FGD5: variants seen among roughly 807,000 people sequenced by gnomAD.
The protein encoded by FGD5 is FYVE, RhoGEF and PH domain containing 5, also known as FYVE, RhoGEF and PH domain-containing protein 5.
FGD5 carries 28 observed loss-of-function variants against 133.4 expected under a neutral mutation model. The ratio of observed to expected loss-of-function variants is 0.21; its 90% CI spans 0.16 to 0.29. FGD5 has a LOEUF of 0.29. FGD5 is among the 10% of genes least tolerant of loss of function. The pLI is 1.00. For missense variants in FGD5, 1,858 were observed against 1,895.2 expected, an observed-to-expected ratio of 0.98 and a Z score of 0.36; for synonymous variants, 810 against 776.5, an observed-to-expected ratio of 1.04 and a Z score of -0.72.
chr3:14,917,378 C>A lies in FGD5; in HGVS notation c.3489+46C>A, dbSNP rs192298702. The A allele has an allele frequency of 5.8e-6, 9 of 1,557,284 alleles. No individual in the cohort carries two copies. In the East Asian group the frequency reaches 1.6e-4, roughly 28 times the overall value. ...ACCCCCGGGTTGGGGGACAGGGAGA[C>A]CCCAGGGGAGAAGGGGACAGCATCC... is the stretch of plus-strand genomic sequence containing the variant. On this transcript the variant is annotated intron_variant, in intron 12 of 19. Coordinates refer to ENST00000285046, the MANE Select transcript of FGD5 (RefSeq NM_152536.4). This position sits in a 1 kb window ranked among gnomAD's most constrained non-coding sequence, Gnocchi z 4.1.
rs751172332 is a variant in FGD5, at chr3:14,926,116, G to T, written c.4115G>T (p.Arg1372Leu). Residue 1372 changes from arginine to leucine, a missense_variant, in exon 18 of 20, where the codon CGG becomes CTG. Arg to Leu is a moderately radical substitution (Grantham distance 102, BLOSUM62 -2). Coordinates refer to ENST00000285046, the MANE Select transcript of FGD5 (RefSeq NM_152536.4). ...TCTGCCATCAGTGGCTATCTCAGCC[G>T]GTGTAAGAGGGGCAAGCGGCACTGG... ...EGSAISGYLS[R>L]CKRGKRHWKK... The T allele has an allele frequency of 1.2e-6, 2 of 1,613,924 alleles. No individual in the cohort carries two copies. Among genetic ancestry groups the T allele is most frequent in the Non-Finnish European group, 1.7e-6 (2 of 1,179,842 alleles).
At chr3:14,883,131 G>A (rs2037858887) in intron 4 of FGD5, among the ~76,000 whole-genome samples, 2 of 152,084 alleles carry the variant, frequency 1.3e-5, no homozygotes, top group Non-Finnish European at 1.5e-5. Flanking sequence ...TAACTCAGTG[G>A]CTGCCATGAA....
intron 1 of FGD5, among the ~76,000 whole-genome samples, chr3:14,856,164 CA>C (rs2125098579): frequency 6.6e-6 from 1 of 152,194 alleles, no homozygotes; most frequent in Admixed American, 6.5e-5. Flanking sequence ...GCACTTTTGT[CA>C]AAACATTAGT....
At chr3:14,855,994 A>G (rs1336884352) in intron 1 of FGD5, among the ~76,000 whole-genome samples, 2 of 152,052 alleles carry the variant, frequency 1.3e-5, no homozygotes, top group Non-Finnish European at 2.9e-5. Context: ...TTCTTCTACT[A>G]GTTTTATAGT....
At chr3:14,889,517 A>G (rs1298617735) in intron 4 of FGD5, among the ~76,000 whole-genome samples, 1 of 152,226 alleles carries the variant, frequency 6.6e-6, no homozygotes, top group Non-Finnish European at 1.5e-5. Flanking sequence ...TGCTGTGAAC[A>G]TCACCATAAA....
chr3:14,868,406 G>C (rs951589984), intron 2 of FGD5, among the ~76,000 whole-genome samples: 12 of 152,216 alleles, frequency 7.9e-5, no homozygotes, highest in African/African-American at 2.9e-4. Flanking sequence ...CCAGAGCTCT[G>C]CTCTTGCCGG....
intron 1 of FGD5, among the ~76,000 whole-genome samples, chr3:14,830,679 T>C (rs893674103): frequency 1.3e-4 from 20 of 152,232 alleles, no homozygotes; most frequent in Admixed American, 6.5e-5. Flanking sequence ...GTGAAGTCTT[T>C]GTTCCAGCTT....
At chr3:14,861,601 C>T (rs1324360047) in intron 1 of FGD5, among the ~76,000 whole-genome samples, 2 of 152,226 alleles carry the variant, frequency 1.3e-5, no homozygotes, top group African/African-American at 4.8e-5. Context: ...GAGCTATCTC[C>T]TTCCCCTTTC....
intron 4 of FGD5, among the ~76,000 whole-genome samples, chr3:14,890,925 T>C (rs2038014054): frequency 6.6e-6 from 1 of 152,202 alleles, no homozygotes; most frequent in Non-Finnish European, 1.5e-5. Context: ...GTGGTACTGT[T>C]ATCCCCATTT....
At chr3:14,932,898 AGACTGTTTT>A (rs1308869003) in intron 19 of FGD5, among the ~76,000 whole-genome samples, 167 bp downstream of exon 19, 1 of 152,220 alleles carries the variant, frequency 6.6e-6, no homozygotes, top group Non-Finnish European at 1.5e-5. Flanking sequence ...AATCATGTTT[AGACTGTTTT>A]GATTCATTCA....
intron 1 of FGD5, among the ~76,000 whole-genome samples, chr3:14,813,162 C>T (rs561501746): frequency 9.2e-5 from 14 of 152,178 alleles, no homozygotes; most frequent in Non-Finnish European, 1.6e-4. Context: ...TGTTATTTTC[C>T]GGAACTTCTC....
intron 4 of FGD5, chr3:14,897,280 C>T (rs2307093): frequency 0.037 from 19,939 of 540,012 alleles, 1,547 homozygotes; most frequent in East Asian, 0.27. Flanking sequence ...CTGTGCCAGG[C>T]GTTGGGTTGG....
At chr3:14,831,828 C>T (rs17040342) in intron 1 of FGD5, among the ~76,000 whole-genome samples, 1,947 of 152,140 alleles carry the variant, frequency 0.013, 44 homozygotes, top group African/African-American at 0.042. Context: ...GAAAGGTGCC[C>T]GAACATCAAG....
intron 4 of FGD5, among the ~76,000 whole-genome samples, chr3:14,885,417 T>C (rs1426201057): frequency 6.6e-6 from 1 of 152,174 alleles, no homozygotes; most frequent in Admixed American, 6.5e-5. Context: ...GCAAACCTTC[T>C]GTCCGCAGGT....
chr3:14,879,950 G>T (rs1482905592), intron 2 of FGD5, among the ~76,000 whole-genome samples: 1 of 152,178 alleles, frequency 6.6e-6, no homozygotes, highest in Non-Finnish European at 1.5e-5. Flanking sequence ...CATGAAGTGG[G>T]ATATAAAGGT....
chr3:14,876,221 G>A (rs2037716773), intron 2 of FGD5, among the ~76,000 whole-genome samples: 1 of 152,136 alleles, frequency 6.6e-6, no homozygotes, highest in African/African-American at 2.4e-5. Context: ...ATAATAAAGC[G>A]ATGCTAATGC....
At chr3:14,914,062 CTCT>C (rs2038502649) in intron 11 of FGD5, among the ~76,000 whole-genome samples, 1 of 152,190 alleles carries the variant, frequency 6.6e-6, no homozygotes, top group Non-Finnish European at 1.5e-5. Context: ...AAGCTGGGTC[CTCT>C]TCTTCCTCTG....
chr3:14,825,506 C>T (rs1415138101), intron 1 of FGD5, among the ~76,000 whole-genome samples: 1 of 151,844 alleles, frequency 6.6e-6, no homozygotes, highest in Non-Finnish European at 1.5e-5. Flanking sequence ...TATAAATAGC[C>T]GGGCATTGTG....
At chr3:14,811,784 A>C (rs2036298279) in intron 1 of FGD5, among the ~76,000 whole-genome samples, 1 of 152,198 alleles carries the variant, frequency 6.6e-6, no homozygotes, top group Non-Finnish European at 1.5e-5. Flanking sequence ...GAGGGCAGAA[A>C]GTTCCCTTAA....
Sources: gnomAD v4.1 joint callset for allele counts (sites outside exome capture counted in the v4.1 genomes callset) on GRCh38, gnomAD v4.1.1 for gene constraint, Gnocchi (gnomAD v3.1) non-coding constraint, MANE v1.5 for transcripts, NCBI Gene and HGNC (gene_info 2026-07-23, HGNC 2026-07-21) for gene names.